The following REPS2 variants were observed in gnomAD, a reference collection of about 807,000 sequenced individuals.
REPS2 encodes ralBP1-associated Eps domain-containing protein 2.
REPS2 carries 23 observed loss-of-function variants against 53.6 expected under a neutral mutation model. The observed-to-expected ratio is 0.43, with a 90% confidence interval of 0.31 to 0.61. The LOEUF is 0.61. REPS2 is among the 20% of genes least tolerant of loss of function. The probability of loss-of-function intolerance (pLI) is 0.11; values close to 1 mark genes in which losing one functional copy is unlikely to be tolerated. For synonymous variants in REPS2, 238 were observed against 218.6 expected (o/e 1.09, Z -0.78); for missense variants, 446 against 534.9 (o/e 0.83, Z 1.64).
intron 6 of REPS2, among the ~76,000 whole-genome samples, chrX:17,050,652 C>T (rs1037713647): frequency 1.8e-5 from 2 of 110,864 alleles, no homozygotes; most frequent in East Asian, 5.7e-4. Flanking sequence ...GAAATGGAAT[C>T]TCATAATATG....
chrX:17,072,889 G>T (rs935868934), intron 11 of REPS2, among the ~76,000 whole-genome samples: 3 of 112,101 alleles, frequency 2.7e-5, no homozygotes, highest in African/African-American at 9.7e-5. Flanking sequence ...TGGGCAAAAG[G>T]GGACTCAAAC....
At chrX:16,969,196 C>G (rs1451450002) in intron 1 of REPS2, among the ~76,000 whole-genome samples, 1 of 109,349 alleles carries the variant, frequency 9.1e-6, no homozygotes, top group Non-Finnish European at 1.9e-5. Flanking sequence ...CTCCTCACTT[C>G]CTAGATGGGA....
At chrX:17,120,523 A>T (rs1308165227) in intron 14 of REPS2, among the ~76,000 whole-genome samples, 1 of 111,829 alleles carries the variant, frequency 8.9e-6, no homozygotes, top group Non-Finnish European at 1.9e-5. Context: ...TGCCATAGTC[A>T]ACCCTCAATA....
At chrX:17,034,801 G>T (rs745929057) in intron 5 of REPS2, among the ~76,000 whole-genome samples, 10 of 111,511 alleles carry the variant, frequency 9.0e-5, no homozygotes, top group Non-Finnish European at 1.3e-4. Context: ...ATGACAAACA[G>T]AATTTAGATA....
At position 16,968,797 on chromosome X, in the gene REPS2, G is replaced by A. The variant is rs748620480; in HGVS notation, c.273+21663G>A. Among the ~76,000 whole-genome samples the A allele has an allele frequency of 3.0e-3, 308 of 102,042 alleles. 3 individuals carry two copies. Among genetic ancestry groups the A allele is most frequent in the African/African-American group, 0.011 (295 of 27,506 alleles). The allele number at this position is 102,042 out of a possible 115,157, so 88.6% of individuals were successfully genotyped here. A position where few individuals can be genotyped will look rare whatever the true frequency, so the allele number is the denominator to read the frequency against. ...CGGGCAGAGGCGCCCCTCACCTCCC[G>A]GATGGGGTGGCTGGCCGGGCGGGGG... On this transcript the variant is annotated intron_variant, in intron 1 of 17. Coordinates refer to ENST00000357277, the MANE Select transcript of REPS2 (RefSeq NM_004726.3).
intron 1 of REPS2, among the ~76,000 whole-genome samples, chrX:16,949,788 A>G (rs1044763971): frequency 3.6e-5 from 4 of 110,554 alleles, no homozygotes; most frequent in Admixed American, 1.9e-4. Flanking sequence ...GTACCCATAT[A>G]TCCCCTGCCC....
chrX:17,139,037 C>A, intron 17 of REPS2, 76 bp downstream of exon 17: 1 of 584,409 alleles, frequency 1.7e-6, no homozygotes, highest in Non-Finnish European at 2.7e-6. Flanking sequence ...ATTTAATAGG[C>A]ATATAATAAT....
the REPS2 span, among the ~76,000 whole-genome samples, chrX:17,174,668 A>G: frequency 8.9e-6 from 1 of 112,378 alleles, no homozygotes; most frequent in Non-Finnish European, 1.9e-5. Context: ...TCAGTCTGCT[A>G]AGTTAGTTTG....
At chrX:16,949,882 C>G (rs1173340205) in intron 1 of REPS2, among the ~76,000 whole-genome samples, 1 of 110,873 alleles carries the variant, frequency 9.0e-6, no homozygotes, top group African/African-American at 3.3e-5. Flanking sequence ...ACATTGACAC[C>G]TCATTATTCC....
the REPS2 span, among the ~76,000 whole-genome samples, chrX:17,191,285 A>G: frequency 8.9e-6 from 1 of 112,278 alleles, no homozygotes; most frequent in Non-Finnish European, 1.9e-5. Context: ...AATGATTTGA[A>G]CAAACATATC....
intron 5 of REPS2, 68 bp from the exon 6 acceptor site, chrX:17,047,279 G>GT: frequency 8.8e-7 from 1 of 1,133,573 alleles, no homozygotes; most frequent in Non-Finnish European, 1.2e-6. Flanking sequence ...TTTTATTGGT[G>GT]TTTAATTTTT....
intron 15 of REPS2, among the ~76,000 whole-genome samples, 172 bp from the exon 16 acceptor site, chrX:17,135,089 C>T (rs1242538093): frequency 9.0e-6 from 1 of 110,842 alleles, no homozygotes; most frequent in Non-Finnish European, 1.9e-5. Flanking sequence ...GGGAAGACCA[C>T]TGGACTCTGA....
the REPS2 span, among the ~76,000 whole-genome samples, chrX:17,189,749 C>T: frequency 1.8e-5 from 2 of 110,374 alleles, no homozygotes; most frequent in Admixed American, 1.9e-4. Flanking sequence ...TATTAGTGCC[C>T]TTCACAAAAT....
chrX:17,165,506 T>C, the REPS2 span, among the ~76,000 whole-genome samples: 3 of 111,890 alleles, frequency 2.7e-5, no homozygotes, highest in South Asian at 7.5e-4. Context: ...CCCAGAATTC[T>C]GTTTTAAGGG....
the REPS2 span, among the ~76,000 whole-genome samples, chrX:17,163,812 A>G: frequency 1.8e-5 from 2 of 112,319 alleles, no homozygotes; most frequent in African/African-American, 3.2e-5. Context: ...TACAAGACAT[A>G]TTAAATACTG....
At chrX:17,105,495 C>T (rs2062862076) in intron 14 of REPS2, among the ~76,000 whole-genome samples, 1 of 112,348 alleles carries the variant, frequency 8.9e-6, no homozygotes, top group South Asian at 3.7e-4. Flanking sequence ...CAGTCTTCAT[C>T]TGAGCTGCTT....
intron 12 of REPS2, among the ~76,000 whole-genome samples, chrX:17,075,543 G>A (rs2062368612): frequency 8.9e-6 from 1 of 112,022 alleles, no homozygotes; most frequent in Non-Finnish European, 1.9e-5. Flanking sequence ...AAGTTTTGTA[G>A]AAATATAAGG....
At chrX:17,097,545 A>G (rs999036078) in intron 13 of REPS2, among the ~76,000 whole-genome samples, 2 of 112,364 alleles carry the variant, frequency 1.8e-5, no homozygotes, top group African/African-American at 6.5e-5. Flanking sequence ...ATAGAAAAAG[A>G]ACAAGATATG....
intron 1 of REPS2, among the ~76,000 whole-genome samples, chrX:16,956,424 C>T (rs1200292300): frequency 2.8e-5 from 3 of 107,036 alleles, no homozygotes; most frequent in African/African-American, 1.0e-4. Context: ...ATCTCAGCCT[C>T]CCAAGTAGCT....
Sources: gnomAD v4.1 joint callset for allele counts (sites outside exome capture counted in the v4.1 genomes callset) on GRCh38, gnomAD v4.1.1 for gene constraint, MANE v1.5 for transcripts, NCBI Gene and HGNC (gene_info 2026-07-23, HGNC 2026-07-21) for gene names.